CACNA2D3: variants seen among roughly 807,000 people sequenced by gnomAD.
The protein encoded by CACNA2D3 is calcium voltage-gated channel auxiliary subunit alpha2delta 3.
CACNA2D3 carries 60 observed loss-of-function variants against 160.6 expected under a neutral mutation model. The ratio of observed to expected loss-of-function variants is 0.37; its 90% CI spans 0.30 to 0.46. The LOEUF is 0.46. Among genes scored for constraint, CACNA2D3 ranks in the 20% least tolerant of loss-of-function variants. The pLI, the probability that CACNA2D3 is intolerant of heterozygous loss-of-function variation, is 1.00. For missense variants in CACNA2D3, 1,205 were observed against 1,365.0 expected (o/e 0.88, Z 1.85); for synonymous variants, 558 against 492.9 (o/e 1.13, Z -1.75).
intron 27 of CACNA2D3, among the ~76,000 whole-genome samples, chr3:54,930,025 G>A (rs1164095463): frequency 6.6e-6 from 1 of 152,160 alleles, no homozygotes; most frequent in Non-Finnish European, 1.5e-5. Context: ...TAGACCTTAA[G>A]AGCCATCAGT....
rs773736880 is a variant in CACNA2D3 at position 54,879,287 on chromosome 3, C to T, written c.1783-63C>T. On this transcript the variant is annotated intron_variant, in intron 19 of 37. Coordinates refer to ENST00000474759, the MANE Select transcript of CACNA2D3 (RefSeq NM_018398.3). ...ATTTATTTTTATTTATTTCTGAAGACGTCACTTAGCAGACTAACCATGTTT... is the reference window on the plus strand; with the variant it reads ...ATTTATTTTTATTTATTTCTGAAGATGTCACTTAGCAGACTAACCATGTTT... 3.8e-5 allele frequency: 47 copies of T among 1,233,780 alleles called. 1 individual carries two copies. The highest frequency in any genetic ancestry group is 6.1e-5 in the African/African-American group (4 of 65,528). The allele number at this position is 1,233,780 out of a possible 1,614,324, so 76.4% of individuals were successfully genotyped here. A position where few individuals can be genotyped will look rare whatever the true frequency, so the allele number is the denominator to read the frequency against.
At position 54,493,203 on chromosome 3, in the gene CACNA2D3, G is replaced by A. The variant is rs577304819; in HGVS notation, c.382-10289G>A. On this transcript the variant is annotated intron_variant, in intron 4 of 37. Coordinates refer to ENST00000474759, the MANE Select transcript of CACNA2D3 (RefSeq NM_018398.3). The stretch of plus-strand genomic sequence containing the variant: ...AGCAATTCTCCTGCCTCAGCCTCCC[G>A]CATAGCTGGGACTACAGGCGCACAC... 3.7e-4 allele frequency among the ~76,000 whole-genome samples: 55 copies of A among 149,030 alleles called. 1 individual carries two copies. The South Asian group carries it at 0.012, about 32-fold the overall frequency.
intron 27 of CACNA2D3, among the ~76,000 whole-genome samples, chr3:54,934,088 T>A (rs918664816): frequency 1.3e-5 from 2 of 152,196 alleles, no homozygotes; most frequent in African/African-American, 4.8e-5. Flanking sequence ...TACTATTACT[T>A]TTGATACAAA....
At chr3:54,783,765 T>A (rs1305263865) in intron 13 of CACNA2D3, among the ~76,000 whole-genome samples, 1 of 152,146 alleles carries the variant, frequency 6.6e-6, no homozygotes, top group Non-Finnish European at 1.5e-5. Context: ...TTCTCTGTGC[T>A]ATATTAAATG....
At chr3:54,367,361 C>T (rs1248682378) in intron 3 of CACNA2D3, among the ~76,000 whole-genome samples, 2 of 152,194 alleles carry the variant, frequency 1.3e-5, no homozygotes, top group Non-Finnish European at 2.9e-5. Flanking sequence ...TAGGGATCCT[C>T]TGGCCATCGG....
intron 2 of CACNA2D3, among the ~76,000 whole-genome samples, chr3:54,173,659 A>C (rs919300528): frequency 7.9e-5 from 12 of 152,228 alleles, no homozygotes; most frequent in African/African-American, 2.9e-4. Flanking sequence ...GGAAATGATT[A>C]ATCTTTGCAA....
At chr3:54,783,984 TGTCA>T (rs1702582203) in intron 13 of CACNA2D3, among the ~76,000 whole-genome samples, 1 of 152,240 alleles carries the variant, frequency 6.6e-6, no homozygotes, top group African/African-American at 2.4e-5. Context: ...CCCCAACTGC[TGTCA>T]GTATGTCAAA....
chr3:54,192,382 C>A (rs1305837288), intron 2 of CACNA2D3, among the ~76,000 whole-genome samples: 1 of 152,192 alleles, frequency 6.6e-6, no homozygotes. Flanking sequence ...ATGCAACATG[C>A]AGGTGACAAC....
At chr3:54,657,676 T>A (rs1005205727) in intron 11 of CACNA2D3, among the ~76,000 whole-genome samples, 1 of 152,168 alleles carries the variant, frequency 6.6e-6, no homozygotes. Context: ...GTCTTCCAGG[T>A]CCATCCATGT....
At chr3:54,824,523 C>T (rs1171737829) in intron 14 of CACNA2D3, among the ~76,000 whole-genome samples, 1 of 152,144 alleles carries the variant, frequency 6.6e-6, no homozygotes, top group African/African-American at 2.4e-5. Context: ...GCAGAAGGGA[C>T]GCATTCCACT....
chr3:54,394,271 C>A (rs1699333880), intron 4 of CACNA2D3, among the ~76,000 whole-genome samples: 2 of 151,390 alleles, frequency 1.3e-5, no homozygotes, highest in African/African-American at 4.9e-5. Flanking sequence ...AATCACAGAT[C>A]CTGGTGTGTA....
chr3:54,428,865 A>C, intron 4 of CACNA2D3, among the ~76,000 whole-genome samples: 1 of 151,870 alleles, frequency 6.6e-6, no homozygotes, highest in East Asian at 1.9e-4. Context: ...CATCCGATGA[A>C]GTTGATTTTC....
chr3:54,754,645 T>A (rs1258007685), intron 12 of CACNA2D3, among the ~76,000 whole-genome samples: 1 of 152,086 alleles, frequency 6.6e-6, no homozygotes, highest in East Asian at 1.9e-4. Flanking sequence ...AATAGGTAAG[T>A]TGACTCTAAG....
intron 11 of CACNA2D3, among the ~76,000 whole-genome samples, chr3:54,719,285 G>A (rs1701125314): frequency 6.6e-6 from 1 of 150,514 alleles, no homozygotes; most frequent in African/African-American, 2.4e-5. Context: ...TTACCATTAA[G>A]TCTTATGCTG....
intron 11 of CACNA2D3, among the ~76,000 whole-genome samples, chr3:54,651,850 C>T (rs1003090342): frequency 6.6e-6 from 1 of 152,108 alleles, no homozygotes; most frequent in African/African-American, 2.4e-5. Flanking sequence ...GGGGCATGTG[C>T]CATTCTGAGG....
chr3:54,488,132 C>T (rs1254975947), intron 4 of CACNA2D3, among the ~76,000 whole-genome samples: 5 of 152,044 alleles, frequency 3.3e-5, no homozygotes, highest in South Asian at 2.1e-4. Context: ...GATCCAAAGA[C>T]GGCCTGTGCA....
At chr3:54,524,840 T>A (rs1334969216) in intron 5 of CACNA2D3, among the ~76,000 whole-genome samples, 1 of 152,142 alleles carries the variant, frequency 6.6e-6, no homozygotes, top group East Asian at 1.9e-4. Flanking sequence ...AGGGTTGCTG[T>A]TTCCATAATA....
chr3:55,073,237 G>T lies in CACNA2D3; in HGVS notation c.2988-208G>T, dbSNP rs896108. On this transcript the variant is annotated intron_variant, in intron 35 of 37. Coordinates refer to ENST00000474759, the MANE Select transcript of CACNA2D3 (RefSeq NM_018398.3). The stretch of plus-strand genomic sequence containing the variant: ...AGGTGAGTTGTATGAGCCGCATGTC[G>T]TCATAGCTATTGTTGTTTTCCTAGT... 9.9e-5 allele frequency among the ~76,000 whole-genome samples: 15 copies of T among 152,016 alleles called. No homozygotes were observed. In the South Asian group the frequency reaches 2.7e-3, roughly 27 times the overall value.
chr3:54,639,120 A>T (rs952950096), intron 10 of CACNA2D3: 1 of 150,778 alleles, frequency 6.6e-6, no homozygotes, highest in Non-Finnish European at 1.5e-5. Flanking sequence ...GGGCACAGAG[A>T]TAAGAGGTTG....
Sources: gnomAD v4.1 joint callset for allele counts (sites outside exome capture counted in the v4.1 genomes callset) on GRCh38, gnomAD v4.1.1 for gene constraint, MANE v1.5 for transcripts, NCBI Gene and HGNC (gene_info 2026-07-23, HGNC 2026-07-21) for gene names.